Variants in ANP32E observed in about 807,000 individuals in gnomAD.
ANP32E encodes acidic leucine-rich nuclear phosphoprotein 32 family member E.
A neutral mutation model predicts 35.3 loss-of-function variants in ANP32E; 14 were observed. The ratio of observed to expected loss-of-function variants is 0.40; its 90% CI spans 0.26 to 0.62. The LOEUF (loss-of-function observed/expected upper bound fraction) is 0.62, where lower values mean the gene tolerates loss of function less well. ANP32E is among the 20% of genes least tolerant of loss of function. The pLI is 0.45. For synonymous variants in ANP32E, 89 were observed against 110.4 expected (o/e 0.81, Z 1.22); for missense variants, 198 against 304.4 (o/e 0.65, Z 2.60).
intron 3 of ANP32E, 61 bp from the exon 4 acceptor site, chr1:150,229,298 C>CTTTTTTTTTTTTTTTTTTTTTTTTT (rs368884324): frequency 2.5e-6 from 1 of 393,210 alleles, no homozygotes; most frequent in Non-Finnish European, 4.0e-6. Flanking sequence ...TTTCTTTTTT[C>CTTTTTTTTTTTTTTTTTTTTTTTTT]TTTTTTTTTT....
chr1:150,223,761 T>C (rs2101764946), intron 5 of ANP32E, among the ~76,000 whole-genome samples: 1 of 151,762 alleles, frequency 6.6e-6, no homozygotes, highest in South Asian at 2.1e-4. Context: ...ATTTTTTTTT[T>C]TGAGACAGAG....
intron 5 of ANP32E, among the ~76,000 whole-genome samples, chr1:150,223,885 A>C (rs1572011935): frequency 6.6e-6 from 1 of 151,758 alleles, no homozygotes; most frequent in Admixed American, 6.6e-5. Context: ...AGCTGGGATT[A>C]CAGGCATGCG....
chr1:150,218,798 A>C lies in ANP32E; in HGVS notation c.*1893T>G, dbSNP rs946275149. ...TCTGGAGGCTCTAAGTGTTGTTTTC[A>C]AACCAAAGTACTCTAATTTTGATTG... On this transcript the variant is annotated 3_prime_UTR_variant, in exon 7 of 7. Coordinates refer to ENST00000583931, the MANE Select transcript of ANP32E (RefSeq NM_030920.5). The C allele has an allele frequency of 8.5e-5, 13 of 152,650 alleles. No individual in the cohort carries two copies. The highest frequency in any genetic ancestry group is 7.9e-4 in the Admixed American group (12 of 15,270). The allele number at this position is 152,650 out of a possible 1,614,324, so 9.5% of individuals were successfully genotyped here. A position where few individuals can be genotyped will look rare whatever the true frequency, so the allele number is the denominator to read the frequency against.
rs1431885773 is a variant in ANP32E at position 150,219,851 on chromosome 1, A to C, written c.*840T>G. ...AAGACTAAAGGTTTTCCTGGGTTTC[A>C]CAAGTTTCCCAAGTTCCTTTTGAGA... On this transcript the variant is annotated 3_prime_UTR_variant, in exon 7 of 7. Transcript: ENST00000583931. The C allele has an allele frequency of 6.6e-6, 1 of 152,186 alleles. No homozygotes were observed. The highest frequency in any genetic ancestry group is 2.4e-5 in the African/African-American group (1 of 41,454). The allele number at this position is 152,186 out of a possible 1,614,324, so 9.4% of individuals were successfully genotyped here.
chr1:150,221,604 G>GGGAGGGAAGGAAGGAA (rs1553838033), intron 6 of ANP32E, among the ~76,000 whole-genome samples: 2 of 36,866 alleles, frequency 5.4e-5, no homozygotes, highest in African/African-American at 3.5e-4. Context: ...GAGGGAGGGA[G>GGGAGGGAAGGAAGGAA]GGAAGGAAGG....
chr1:150,230,215 G>T (rs1649246227), intron 3 of ANP32E, among the ~76,000 whole-genome samples: 1 of 151,780 alleles, frequency 6.6e-6, no homozygotes, highest in Admixed American at 6.6e-5. Flanking sequence ...ATAATTTTCA[G>T]CATGTCAGTT....
At position 150,226,589 on chromosome 1, in the gene ANP32E, G is replaced by A. The variant is rs1648892568; in HGVS notation, c.681+19C>T. 1.9e-6 allele frequency: 3 copies of A among 1,611,636 alleles called. No homozygotes were observed. The highest frequency in any genetic ancestry group is 2.5e-6 in the Non-Finnish European group (3 of 1,179,710). Reference sequence around the variant, plus strand: ...GCCTAGAAATTAATTTTCAGTGCAGGTAAGAAGTGTGTATTCACCTGAATT... The same window carrying A: ...GCCTAGAAATTAATTTTCAGTGCAGATAAGAAGTGTGTATTCACCTGAATT... On this transcript the variant is annotated intron_variant, in intron 5 of 6. Transcript: ENST00000583931.
In ANP32E at chr1:150,223,408, C is replaced by T. The variant is rs1482426986; in HGVS notation, c.682-168G>A. The stretch of plus-strand genomic sequence containing the variant: ...TAAAACCTAACTAAAGGGCCGGGCG[C>T]GGTGGCTCACGCCTGTAATCCCAGT... On this transcript the variant is annotated intron_variant, in intron 5 of 6. Transcript: ENST00000583931. The T allele has an allele frequency of 9.8e-6, 8 of 818,002 alleles. No individual in the cohort carries two copies. The African/African-American group carries it at 1.2e-4, about 13-fold the overall frequency. 50.7% of individuals were successfully genotyped at this position (818,002 alleles called of 1,614,324 possible). A position where few individuals can be genotyped will look rare whatever the true frequency, so the allele number is the denominator to read the frequency against.
At chr1:150,230,746 C>CTTTTTT in intron 2 of ANP32E, 53 bp from the exon 3 acceptor site, 23 of 1,237,980 alleles carry the variant, frequency 1.9e-5, no homozygotes, top group East Asian at 1.4e-4. Context: ...TCATATCAAA[C>CTTTTTT]TTTTTTTTTT....
chr1:150,231,715 C>T, intron 2 of ANP32E, 62 bp downstream of exon 2: 1 of 1,455,164 alleles, frequency 6.9e-7, no homozygotes, highest in Non-Finnish European at 9.1e-7. Flanking sequence ...TCCATTTGGC[C>T]AAACACTAGA....
chr1:150,234,491 G>T, intron 1 of ANP32E: 1 of 709,692 alleles, frequency 1.4e-6, no homozygotes, highest in Non-Finnish European at 1.7e-6. Context: ...GACAGACCCT[G>T]CTCATCCTCT....
At chr1:150,234,295 T>TG (rs1453482910) in intron 1 of ANP32E, among the ~76,000 whole-genome samples, 2 of 110 alleles carry the variant, frequency 0.018, no homozygotes, top group Non-Finnish European at 0.015. Flanking sequence ...AGTTTGATTT[T>TG]GGTTTTTTTA....
intron 3 of ANP32E, among the ~76,000 whole-genome samples, chr1:150,229,603 C>G (rs1046258932): frequency 2.0e-5 from 3 of 152,200 alleles, no homozygotes; most frequent in Non-Finnish European, 4.4e-5. Flanking sequence ...CTCAGCCTCC[C>G]GAGTCGCTGG....
At chr1:150,227,083 C>T (rs587679452) in intron 4 of ANP32E, among the ~76,000 whole-genome samples, 9 of 152,208 alleles carry the variant, frequency 5.9e-5, no homozygotes, top group Non-Finnish European at 1.0e-4. Flanking sequence ...GTGAACACTT[C>T]AAAACTTTGC....
intron 1 of ANP32E, 48 bp from the exon 2 acceptor site, chr1:150,231,974 T>C (rs782566833): frequency 6.4e-7 from 1 of 1,567,600 alleles, no homozygotes; most frequent in Non-Finnish European, 8.7e-7. Context: ...TTGTAATCTG[T>C]TTAGGTAGAG....
chr1:150,227,610 T>TG (rs1227025365), intron 4 of ANP32E, among the ~76,000 whole-genome samples: 1 of 150,956 alleles, frequency 6.6e-6, no homozygotes, highest in Non-Finnish European at 1.5e-5. Flanking sequence ...GGAAGGAGGG[T>TG]GGCTGAAGAA....
At chr1:150,226,195 G>A (rs976442991) in intron 5 of ANP32E, among the ~76,000 whole-genome samples, 1 of 152,036 alleles carries the variant, frequency 6.6e-6, no homozygotes, top group African/African-American at 2.4e-5. Context: ...AGTAGATACG[G>A]GGTTTCCCCA....
intron 1 of ANP32E, among the ~76,000 whole-genome samples, chr1:150,234,297 G>T (rs140057222): frequency 7.3e-4 from 111 of 151,842 alleles, no homozygotes; most frequent in African/African-American, 2.3e-3. Flanking sequence ...TTTGATTTTG[G>T]TTTTTTTATT....
chr1:150,229,266 C>G (rs782168041), intron 3 of ANP32E, 29 bp from the exon 4 acceptor site: 2 of 1,012,282 alleles, frequency 2.0e-6, no homozygotes, highest in East Asian at 2.8e-5. Context: ...AACTTACATT[C>G]AAGATTTAAA....
Sources: allele counts gnomAD v4.1 joint callset (sites outside exome capture counted in the v4.1 genomes callset), GRCh38; gene constraint gnomAD v4.1.1; transcripts MANE v1.5; gene names NCBI Gene and HGNC (gene_info 2026-07-23, HGNC 2026-07-21).